HDAC9: variants seen among roughly 807,000 people sequenced by gnomAD.
HDAC9 encodes the protein MEF-2 interacting transcription repressor (MITR) protein.
In HDAC9, 41 loss-of-function variants were observed where a neutral mutation model predicts 139.4. The observed-to-expected ratio is 0.29, with a 90% CI of 0.23 to 0.38. HDAC9 has a LOEUF of 0.38. Among genes scored for constraint, HDAC9 ranks in the 10% least tolerant of loss-of-function variants. HDAC9 has a pLI of 1.00. For synonymous variants in HDAC9, 517 were observed against 476.2 expected (o/e 1.09, Z -1.12); for missense variants, 1,147 against 1,297.0 (o/e 0.88, Z 1.78).
chr7:18,444,840 A>T (rs1004020336), intron 1 of HDAC9, among the ~76,000 whole-genome samples: 1 of 152,220 alleles, frequency 6.6e-6, no homozygotes, highest in South Asian at 2.1e-4. Context: ...GACCATTACC[A>T]TCAAGTACCA....
chr7:18,184,415 AT>A (rs1343974361), intron 2 of HDAC9, among the ~76,000 whole-genome samples: 4 of 152,208 alleles, frequency 2.6e-5, no homozygotes, highest in Admixed American at 1.3e-4. Context: ...AAATAAAAAA[AT>A]AAATAATGAG....
intron 14 of HDAC9, among the ~76,000 whole-genome samples, chr7:18,758,698 T>G (rs1382866821): frequency 6.6e-6 from 1 of 152,186 alleles, no homozygotes; most frequent in Non-Finnish European, 1.5e-5. Context: ...AATTTTCAGC[T>G]TAATCATCCA....
chr7:18,258,441 T>C (rs1440578568), intron 2 of HDAC9, among the ~76,000 whole-genome samples: 2 of 152,208 alleles, frequency 1.3e-5, no homozygotes, highest in Admixed American at 1.3e-4. Context: ...CCCCAAGCAA[T>C]GTACACTGTA....
intron 1 of HDAC9, among the ~76,000 whole-genome samples, chr7:18,339,991 GA>G (rs1781881340): frequency 6.6e-6 from 1 of 151,434 alleles, no homozygotes; most frequent in Non-Finnish European, 1.5e-5. Flanking sequence ...AAATAGTATT[GA>G]GATTTCCTAC....
chr7:18,160,563 T>A (rs1358460627), intron 1 of HDAC9, among the ~76,000 whole-genome samples: 2 of 152,180 alleles, frequency 1.3e-5, no homozygotes, highest in South Asian at 2.1e-4. Flanking sequence ...TATGGTGGCA[T>A]GTCTAAAAGC....
intron 1 of HDAC9, among the ~76,000 whole-genome samples, chr7:18,126,822 ATAG>A (rs1784703503): frequency 6.6e-6 from 1 of 152,278 alleles, no homozygotes; most frequent in South Asian, 2.1e-4. Context: ...TGGATTAAAG[ATAG>A]TAGTAGTTTG....
At chr7:18,684,031 C>A (rs1371793009) in intron 12 of HDAC9, among the ~76,000 whole-genome samples, 2 of 151,620 alleles carry the variant, frequency 1.3e-5, no homozygotes, top group East Asian at 2.0e-4. Context: ...ACAAAATGAG[C>A]TGATCACTTG....
chr7:18,821,828 A>G (rs935988074), intron 17 of HDAC9, among the ~76,000 whole-genome samples: 2 of 152,174 alleles, frequency 1.3e-5, no homozygotes, highest in East Asian at 1.9e-4. Context: ...TATAAATCAG[A>G]TGTTATTACA....
chr7:18,894,661 G>A (rs1801007957), intron 22 of HDAC9, among the ~76,000 whole-genome samples: 1 of 152,058 alleles, frequency 6.6e-6, no homozygotes, highest in Admixed American at 6.6e-5. Flanking sequence ...GGAGCAGTAG[G>A]TAGAGGGAGG....
At chr7:18,492,290 T>C (rs926423123), upstream of HDAC9, among the ~76,000 whole-genome samples, 5 of 151,944 alleles carry the variant, frequency 3.3e-5, no homozygotes, top group Admixed American at 2.6e-4. Flanking sequence ...TCTTTCAGGA[T>C]TGTGATCTAA....
intron 2 of HDAC9, among the ~76,000 whole-genome samples, chr7:18,546,836 T>G (rs1815015851): frequency 6.6e-6 from 1 of 152,210 alleles, no homozygotes; most frequent in Non-Finnish European, 1.5e-5. Flanking sequence ...TGGCCTTGCT[T>G]ATTTGCAATG....
At chr7:18,918,400 T>A (rs532337410) in intron 22 of HDAC9, among the ~76,000 whole-genome samples, 2 of 151,932 alleles carry the variant, frequency 1.3e-5, no homozygotes, top group Non-Finnish European at 2.9e-5. Context: ...GAGAAGAGTG[T>A]TTCATAAAGC....
intron 7 of HDAC9, among the ~76,000 whole-genome samples, chr7:18,632,701 A>C (rs1230081154): frequency 6.6e-6 from 1 of 152,066 alleles, no homozygotes. Flanking sequence ...TCTCTGTCTG[A>C]TCCTTTTGCA....
chr7:18,441,046 A>T (rs192371346), intron 1 of HDAC9, among the ~76,000 whole-genome samples: 2 of 152,226 alleles, frequency 1.3e-5, no homozygotes, highest in Admixed American at 6.5e-5. Context: ...TGGCAATTCA[A>T]TGGACTTCTC....
At chr7:18,806,072 A>C (rs74616278) in intron 17 of HDAC9, among the ~76,000 whole-genome samples, 5 of 152,144 alleles carry the variant, frequency 3.3e-5, no homozygotes, top group South Asian at 2.1e-4. Flanking sequence ...ACTTTTTAAC[A>C]TCTAAAAATG....
At chr7:18,779,098 A>G (rs1791025191) in intron 16 of HDAC9, among the ~76,000 whole-genome samples, 1 of 151,960 alleles carries the variant, frequency 6.6e-6, no homozygotes, top group East Asian at 1.9e-4. Flanking sequence ...TTTTCATCTC[A>G]CCATGACTAA....
intron 2 of HDAC9, among the ~76,000 whole-genome samples, chr7:18,529,329 A>G (rs1471870247): frequency 6.6e-6 from 1 of 152,218 alleles, no homozygotes; most frequent in Non-Finnish European, 1.5e-5. Context: ...AAATAAAAAG[A>G]TGGGCATAAA....
intron 2 of HDAC9, among the ~76,000 whole-genome samples, chr7:18,253,343 T>A (rs1795041563): frequency 1.3e-5 from 1 of 79,572 alleles, no homozygotes; most frequent in Admixed American, 1.4e-4. Flanking sequence ...TTTTCCAGAG[T>A]GGTCAAACTA....
chr7:18,763,641 G>GTT (rs1240583223), intron 15 of HDAC9, among the ~76,000 whole-genome samples: 1 of 151,926 alleles, frequency 6.6e-6, no homozygotes, highest in Admixed American at 6.6e-5. Context: ...TATAATAAAT[G>GTT]TTCTTATTTT....
Sources: allele counts gnomAD v4.1 joint callset (sites outside exome capture counted in the v4.1 genomes callset), GRCh38; gene constraint gnomAD v4.1.1; transcripts MANE v1.5; gene names NCBI Gene and HGNC (gene_info 2026-07-23, HGNC 2026-07-21).